Variants in CHCHD3 observed in about 807,000 individuals in gnomAD.
CHCHD3 encodes the protein coiled-coil-helix-coiled-coil-helix domain containing 3.
CHCHD3 carries 20 observed loss-of-function variants against 38.2 expected under a neutral mutation model. The ratio of observed to expected loss-of-function variants is 0.52; its 90% confidence interval spans 0.37 to 0.76. The LOEUF (loss-of-function observed/expected upper bound fraction) is 0.76, where lower values mean the gene tolerates loss of function less well. CHCHD3 is among the 30% of genes least tolerant of loss of function. The pLI, the probability that CHCHD3 is intolerant of heterozygous loss-of-function variation, is 0.00. For synonymous variants in CHCHD3, 82 were observed against 100.0 expected (o/e 0.82, Z 1.07); for missense variants, 245 against 279.2 (o/e 0.88, Z 0.87).
intron 3 of CHCHD3, among the ~76,000 whole-genome samples, chr7:132,985,326 G>C (rs1164081929): frequency 1.5e-5 from 1 of 67,288 alleles, no homozygotes; most frequent in Non-Finnish European, 3.1e-5. Flanking sequence ...CCCCTACTGG[G>C]AAGTGAGGAG....
chr7:133,042,610 A>G (rs1232940652), intron 2 of CHCHD3, among the ~76,000 whole-genome samples: 1 of 152,092 alleles, frequency 6.6e-6, no homozygotes, highest in Non-Finnish European at 1.5e-5. Context: ...ATGTGTACAC[A>G]TTTTCATACA....
chr7:132,843,956 A>G (rs186156477), intron 5 of CHCHD3, among the ~76,000 whole-genome samples: 2 of 152,324 alleles, frequency 1.3e-5, no homozygotes, highest in Admixed American at 1.3e-4. Context: ...TACTTACAGT[A>G]TATGGAATGG....
chr7:133,001,050 C>G (rs539816820), intron 3 of CHCHD3, among the ~76,000 whole-genome samples: 1 of 152,282 alleles, frequency 6.6e-6, no homozygotes, highest in African/African-American at 2.4e-5. Context: ...TTTCTAAGAT[C>G]TTTATTAAGG....
intron 5 of CHCHD3, among the ~76,000 whole-genome samples, chr7:132,873,344 T>C (rs1354974386): frequency 6.6e-6 from 1 of 151,956 alleles, no homozygotes; most frequent in African/African-American, 2.4e-5. Context: ...GTTCTAGGGA[T>C]AGAATACAGT....
Position 132,975,305 on chromosome 7 carries a change from T to C in CHCHD3, c.252-19A>G, listed in dbSNP as rs778667168. 4.5e-6 allele frequency: 7 copies of C among 1,569,372 alleles called. No homozygotes were observed. The highest frequency in any genetic ancestry group is 5.2e-6 in the Non-Finnish European group (6 of 1,147,900). On this transcript the variant is annotated intron_variant, in intron 3 of 7. Coordinates refer to ENST00000262570, the MANE Select transcript of CHCHD3 (RefSeq NM_017812.4). Reference sequence around the variant, plus strand: ...CTTTAGTCTAAAATGACAAGAATTGTCTAAGTTAGAAAAAATATTTTATTA... The same window carrying C: ...CTTTAGTCTAAAATGACAAGAATTGCCTAAGTTAGAAAAAATATTTTATTA...
intron 1 of CHCHD3, among the ~76,000 whole-genome samples, chr7:133,076,381 C>T (rs1317878354): frequency 6.6e-6 from 1 of 152,104 alleles, no homozygotes; most frequent in Admixed American, 6.5e-5. Context: ...GGCCAGAATC[C>T]ACAGCTTACA....
At chr7:132,920,757 T>C (rs1810239772) in intron 4 of CHCHD3, among the ~76,000 whole-genome samples, 1 of 152,092 alleles carries the variant, frequency 6.6e-6, no homozygotes, top group Non-Finnish European at 1.5e-5. Context: ...AAGCATGTAA[T>C]CATTGTTCAC....
At chr7:132,966,291 A>G (rs1562923902) in intron 4 of CHCHD3, among the ~76,000 whole-genome samples, 1 of 152,242 alleles carries the variant, frequency 6.6e-6, no homozygotes, top group Non-Finnish European at 1.5e-5. Context: ...GAAAAGAGTG[A>G]GCAAGAAAAT....
intron 5 of CHCHD3, among the ~76,000 whole-genome samples, chr7:132,855,266 T>C (rs1808318572): frequency 6.6e-6 from 1 of 152,218 alleles, no homozygotes; most frequent in African/African-American, 2.4e-5. Context: ...GGAGGGTTTA[T>C]ATTTATTTCT....
At chr7:132,933,606 T>C (rs1037350149) in intron 4 of CHCHD3, among the ~76,000 whole-genome samples, 2 of 152,230 alleles carry the variant, frequency 1.3e-5, no homozygotes, top group African/African-American at 4.8e-5. Flanking sequence ...AGATGATCCA[T>C]AGTCTGACTT....
chr7:133,075,485 T>C (rs1814958343), intron 1 of CHCHD3, among the ~76,000 whole-genome samples: 1 of 152,180 alleles, frequency 6.6e-6, no homozygotes, highest in Admixed American at 6.5e-5. Flanking sequence ...GCGACGTAGA[T>C]ATGAGGTAAT....
intron 4 of CHCHD3, among the ~76,000 whole-genome samples, chr7:132,959,224 A>C (rs1223865504): frequency 1.3e-5 from 2 of 152,240 alleles, no homozygotes; most frequent in African/African-American, 4.8e-5. Flanking sequence ...GGCTATACTC[A>C]CATTCCAGAA....
intron 1 of CHCHD3, among the ~76,000 whole-genome samples, chr7:133,071,807 T>C (rs756078204): frequency 6.6e-6 from 1 of 152,140 alleles, no homozygotes; most frequent in Non-Finnish European, 1.5e-5. Context: ...ACCGTACAGA[T>C]AGACCTAAAA....
intron 6 of CHCHD3, among the ~76,000 whole-genome samples, chr7:132,803,742 A>G (rs897692456): frequency 6.6e-6 from 1 of 151,100 alleles, no homozygotes; most frequent in Non-Finnish European, 1.5e-5. Context: ...AAAATAATCT[A>G]TTGGAACTAG....
intron 3 of CHCHD3, among the ~76,000 whole-genome samples, chr7:132,997,240 G>C (rs1294012119): frequency 6.6e-6 from 1 of 152,118 alleles, no homozygotes; most frequent in Admixed American, 6.5e-5. Flanking sequence ...GAGCCCACTG[G>C]CTGCCTATAT....
At chr7:132,929,418 G>T (rs7780551) in intron 4 of CHCHD3, among the ~76,000 whole-genome samples, 4,762 of 152,106 alleles carry the variant, frequency 0.031, 238 homozygotes, top group African/African-American at 0.11. Flanking sequence ...CTGCTTACAG[G>T]TAAGTATTCT....
intron 4 of CHCHD3, among the ~76,000 whole-genome samples, chr7:132,958,449 A>G (rs1811233577): frequency 1.3e-5 from 2 of 152,240 alleles, no homozygotes; most frequent in African/African-American, 4.8e-5. Context: ...AAGGAAAAGA[A>G]AAAACAATCT....
chr7:132,994,968 C>A (rs923673616), intron 3 of CHCHD3, among the ~76,000 whole-genome samples: 1 of 152,180 alleles, frequency 6.6e-6, no homozygotes, highest in Non-Finnish European at 1.5e-5. Context: ...TGACACTACT[C>A]ATCTGCAAAA....
intron 6 of CHCHD3, among the ~76,000 whole-genome samples, chr7:132,818,306 T>C (rs1195620092): frequency 6.6e-6 from 1 of 152,214 alleles, no homozygotes; most frequent in East Asian, 1.9e-4. Flanking sequence ...TGCTCCACAT[T>C]ACGGTGGGGC....
Sources: gnomAD v4.1 joint callset for allele counts (sites outside exome capture counted in the v4.1 genomes callset) on GRCh38, gnomAD v4.1.1 for gene constraint, MANE v1.5 for transcripts, NCBI Gene and HGNC (gene_info 2026-07-23, HGNC 2026-07-21) for gene names.